Variants in SV2B observed in about 807,000 individuals in gnomAD.
The protein encoded by SV2B is solute carrier family 22 member B2.
Under a neutral mutation model 73.9 loss-of-function variants are expected in SV2B, and 41 were observed. That is an observed-to-expected ratio of 0.56 (90% CI 0.43 to 0.72). SV2B has a LOEUF of 0.72. SV2B is among the 30% of genes least tolerant of loss of function. The probability of loss-of-function intolerance (pLI) is 0.00; values close to 1 mark genes in which losing one functional copy is unlikely to be tolerated. For missense variants in SV2B, 764 were observed against 857.8 expected, an observed-to-expected ratio of 0.89 and a Z score of 1.37; for synonymous variants, 314 against 314.2, an observed-to-expected ratio of 1.00 and a Z score of 0.01.
intron 1 of SV2B, among the ~76,000 whole-genome samples, chr15:91,168,155 G>A (rs999114363): frequency 2.6e-5 from 4 of 152,120 alleles, no homozygotes; most frequent in Non-Finnish European, 2.9e-5. Flanking sequence ...TTTTTGCCAC[G>A]CCTTTCAATT....
chr15:91,202,896 C>G (rs1381202480), intron 1 of SV2B, among the ~76,000 whole-genome samples: 1 of 152,114 alleles, frequency 6.6e-6, no homozygotes, highest in Non-Finnish European at 1.5e-5. Flanking sequence ...CAAACCCTCT[C>G]TTTACTCTCA....
At position 91,231,585 on chromosome 15, in the gene SV2B, A is replaced by T. The variant is rs539208285; in HGVS notation, c.451+4871A>T. ...TATTGGCGACACGTAAGGCAAACCA[A>T]CCCCATCCTTTTCTGCCTGCATTTG... On this transcript the variant is annotated intron_variant, in intron 2 of 12. Coordinates refer to ENST00000394232, the MANE Select transcript of SV2B (RefSeq NM_001323032.3). The surrounding 1 kb of genome is among the most constrained non-coding windows in gnomAD (Gnocchi z 4.5). Among the ~76,000 whole-genome samples, 1 of 152,090 alleles carries T rather than the reference A, an allele frequency of 6.6e-6. No individual in the cohort carries two copies. The highest frequency in any genetic ancestry group is 1.5e-5 in the Non-Finnish European group (1 of 68,012).
intron 2 of SV2B, among the ~76,000 whole-genome samples, chr15:91,233,800 C>A (rs1299706803): frequency 6.6e-6 from 1 of 152,164 alleles, no homozygotes; most frequent in Non-Finnish European, 1.5e-5. Context: ...CCCAACCCCT[C>A]CACCCCTCTT....
rs895007084 is a variant in SV2B, at chr15:91,110,232, C to T, written c.-392+9869C>T. Among the ~76,000 whole-genome samples the T allele has an allele frequency of 6.6e-6, 1 of 152,140 alleles. No homozygotes were observed. The highest frequency in any genetic ancestry group is 6.5e-5 in the Admixed American group (1 of 15,278). On this transcript the variant is annotated intron_variant, in intron 1 of 12. Coordinates refer to ENST00000394232, the MANE Select transcript of SV2B (RefSeq NM_001323032.3). The surrounding 1 kb of genome is among the most constrained non-coding windows in gnomAD (Gnocchi z 5.4). ...TATAAGAAAAGAGGTTTAATTGGCTCCTGGATTCATACAGTAAGTTAATGA... is the reference window on the plus strand; with the variant it reads ...TATAAGAAAAGAGGTTTAATTGGCTTCTGGATTCATACAGTAAGTTAATGA...
intron 1 of SV2B, among the ~76,000 whole-genome samples, chr15:91,186,869 T>G (rs1355968822): frequency 6.6e-6 from 1 of 152,076 alleles, no homozygotes; most frequent in Non-Finnish European, 1.5e-5. Flanking sequence ...ACAAATAAAA[T>G]AAATTAATAA....
chr15:91,102,850 A>G (rs2041773582), intron 1 of SV2B, among the ~76,000 whole-genome samples: 1 of 152,154 alleles, frequency 6.6e-6, no homozygotes, highest in Non-Finnish European at 1.5e-5. Flanking sequence ...GGATTCTGGT[A>G]AATGACATTT....
At chr15:91,116,407 C>G (rs1362841006) in intron 1 of SV2B, among the ~76,000 whole-genome samples, 2 of 152,128 alleles carry the variant, frequency 1.3e-5, no homozygotes, top group African/African-American at 4.8e-5. Flanking sequence ...ATCCCAGCAG[C>G]TGGCAATTGT....
rs563361275 is a variant in SV2B, at chr15:91,232,711, C to A, written c.451+5997C>A. On this transcript the variant is annotated intron_variant, in intron 2 of 12. Transcript: ENST00000394232. The surrounding 1 kb of genome is among the most constrained non-coding windows in gnomAD (Gnocchi z 4.7). ...GCAGTAGTTCCTTTTGAATTTTTCA[C>A]GTTTAAAATATAATTTCAACTTCTA... Among the ~76,000 whole-genome samples the A allele has an allele frequency of 6.6e-6, 1 of 152,148 alleles. No homozygotes were observed. The highest frequency in any genetic ancestry group is 1.5e-5 in the Non-Finnish European group (1 of 68,022).
chr15:91,115,725 C>T lies in SV2B; in HGVS notation c.-392+15362C>T, dbSNP rs764768430. ...TTCTAAGGGGTTCACATTTTTATAACCATCTCCTTGCTTGCCCTAGTCTTG... is the reference window on the plus strand; with the variant it reads ...TTCTAAGGGGTTCACATTTTTATAATCATCTCCTTGCTTGCCCTAGTCTTG... On this transcript the variant is annotated intron_variant, in intron 1 of 12. Coordinates refer to ENST00000394232, the MANE Select transcript of SV2B (RefSeq NM_001323032.3). This position sits in a 1 kb window ranked among gnomAD's most constrained non-coding sequence, Gnocchi z 4.3. 2.6e-5 allele frequency among the ~76,000 whole-genome samples: 4 copies of T among 152,086 alleles called. No homozygotes were observed. The highest frequency in any genetic ancestry group is 5.9e-5 in the Non-Finnish European group (4 of 68,020).
intron 4 of SV2B, among the ~76,000 whole-genome samples, chr15:91,254,901 C>T (rs951884426): frequency 6.6e-6 from 1 of 152,198 alleles, no homozygotes; most frequent in Admixed American, 6.5e-5. Context: ...TCACACTTGA[C>T]CAATGAGAAA....
Position 91,252,352 on chromosome 15 carries a change from G to A in SV2B, c.633-17G>A. On this transcript the variant is annotated splice_polypyrimidine_tract_variant and intron_variant, in intron 3 of 12. Coordinates refer to ENST00000394232, the MANE Select transcript of SV2B (RefSeq NM_001323032.3). The surrounding 1 kb of genome is among the most constrained non-coding windows in gnomAD (Gnocchi z 4.6). ...TGTATGACTTGATTCTTTCTCTCTG[G>A]CATTTTTCCTTTGCAGTATTGGGGG... The A allele has an allele frequency of 1.3e-6, 2 of 1,595,258 alleles. No individual in the cohort carries two copies. Among genetic ancestry groups the A allele is most frequent in the Non-Finnish European group, 1.7e-6 (2 of 1,170,148 alleles).
chr15:91,251,812 A>G lies in SV2B; in HGVS notation c.452-7A>G, dbSNP rs781199439. The G allele has an allele frequency of 2.5e-6, 4 of 1,613,426 alleles. No homozygotes were observed. The South Asian group carries it at 3.3e-5, about 13-fold the overall frequency. ...TCTATTCTCTCCTCTCCTCCCCCTC[A>G]TTGCAGGGATGATAGTCTACTTGGG... On this transcript the variant is annotated splice_region_variant and splice_polypyrimidine_tract_variant and intron_variant, in intron 2 of 12. Coordinates refer to ENST00000394232, the MANE Select transcript of SV2B (RefSeq NM_001323032.3).
chr15:91,141,852 T>C lies in SV2B; in HGVS notation c.-392+41489T>C, dbSNP rs996095404. ...TAGATGCTGTACCTGAAAGGGTGTA[T>C]GTTTAAAAGACTGACACTGTCGGAC... On this transcript the variant is annotated intron_variant, in intron 1 of 12. Coordinates refer to ENST00000394232, the MANE Select transcript of SV2B (RefSeq NM_001323032.3). The surrounding 1 kb of genome is among the most constrained non-coding windows in gnomAD (Gnocchi z 4.6). Among the ~76,000 whole-genome samples the C allele has an allele frequency of 6.6e-6, 1 of 151,964 alleles. No homozygotes were observed. The highest frequency in any genetic ancestry group is 2.4e-5 in the African/African-American group (1 of 41,360).
chr15:91,163,962 A>T (rs181546582), intron 1 of SV2B, among the ~76,000 whole-genome samples: 106 of 152,328 alleles, frequency 7.0e-4, no homozygotes, highest in African/African-American at 2.5e-3. Flanking sequence ...GAAGGGATCC[A>T]GTTTCAGCTT....
intron 9 of SV2B, among the ~76,000 whole-genome samples, chr15:91,273,774 T>C (rs1486499616): frequency 6.6e-6 from 1 of 152,224 alleles, no homozygotes; most frequent in African/African-American, 2.4e-5. Flanking sequence ...TCAAAATTGA[T>C]GAAGCATTAC....
chr15:91,178,749 C>A (rs2044428235), intron 1 of SV2B, among the ~76,000 whole-genome samples: 1 of 149,304 alleles, frequency 6.7e-6, no homozygotes, highest in Non-Finnish European at 1.5e-5. Context: ...TCCCCTTTAT[C>A]ATTTTTTATT....
intron 1 of SV2B, among the ~76,000 whole-genome samples, chr15:91,149,148 T>A (rs898071084): frequency 3.3e-5 from 5 of 152,218 alleles, no homozygotes; most frequent in African/African-American, 1.2e-4. Flanking sequence ...CAATCATTGG[T>A]TGAGGGCTGC....
chr15:91,186,218 G>A (rs1171325699), intron 1 of SV2B, among the ~76,000 whole-genome samples: 2 of 152,178 alleles, frequency 1.3e-5, no homozygotes, highest in Non-Finnish European at 2.9e-5. Flanking sequence ...TACACCCAAA[G>A]CTGGTAACTT....
intron 1 of SV2B, among the ~76,000 whole-genome samples, chr15:91,155,314 G>A (rs1166889835): frequency 1.3e-5 from 2 of 152,184 alleles, no homozygotes; most frequent in African/African-American, 4.8e-5. Context: ...AGGATCCTAT[G>A]CCAGTGAGTA....
Sources: allele counts gnomAD v4.1 joint callset (sites outside exome capture counted in the v4.1 genomes callset), GRCh38; gene constraint gnomAD v4.1.1; non-coding constraint Gnocchi (gnomAD v3.1); transcripts MANE v1.5; gene names NCBI Gene and HGNC (gene_info 2026-07-23, HGNC 2026-07-21).